PSEN1: variants seen among roughly 807,000 people sequenced by gnomAD.
The protein encoded by PSEN1 is presenilin 1, also known as presenilin-1.
Under a neutral mutation model 53.5 loss-of-function variants are expected in PSEN1, and 15 were observed. The ratio of observed to expected loss-of-function variants is 0.28; its 90% confidence interval spans 0.19 to 0.43. The LOEUF (loss-of-function observed/expected upper bound fraction) is 0.43. Among genes scored for constraint, PSEN1 ranks in the 20% least tolerant of loss-of-function variants. The pLI, the probability that PSEN1 is intolerant of heterozygous loss-of-function variation, is 1.00. For missense variants in PSEN1, 387 were observed against 571.2 expected (o/e 0.68, Z 3.29); for synonymous variants, 208 against 209.8 (o/e 0.99, Z 0.08).
At chr14:73,197,924 G>T in intron 7 of PSEN1, 107 bp from the exon 8 acceptor site, 2 of 687,370 alleles carry the variant, frequency 2.9e-6, no homozygotes, top group South Asian at 1.6e-5. Flanking sequence ...TGTAAAAAGA[G>T]ACAAAAAACA....
At chr14:73,185,488 G>A (rs959485250) in intron 5 of PSEN1, among the ~76,000 whole-genome samples, 3 of 152,170 alleles carry the variant, frequency 2.0e-5, no homozygotes, top group Admixed American at 1.3e-4. Context: ...GCAGGCACTC[G>A]GCAGGCTGAG....
intron 5 of PSEN1, among the ~76,000 whole-genome samples, chr14:73,184,719 T>C (rs1293878921): frequency 2.2e-4 from 30 of 136,766 alleles, no homozygotes; most frequent in African/African-American, 8.0e-4. Flanking sequence ...CCCTCCCGGA[T>C]GGGGCGGCTG....
intron 6 of PSEN1, among the ~76,000 whole-genome samples, chr14:73,187,325 A>G (rs1199898888): frequency 1.3e-5 from 2 of 152,176 alleles, no homozygotes; most frequent in African/African-American, 4.8e-5. Flanking sequence ...TGAAATTTTC[A>G]TATATAATAT....
At chr14:73,201,444 G>C (rs558969058) in intron 8 of PSEN1, among the ~76,000 whole-genome samples, 1 of 152,308 alleles carries the variant, frequency 6.6e-6, no homozygotes, top group African/African-American at 2.4e-5. Context: ...AAACCATACA[G>C]TATTTGCTGT....
chr14:73,212,071 A>T, intron 10 of PSEN1, 129 bp downstream of exon 10: 1 of 256,286 alleles, frequency 3.9e-6, no homozygotes, highest in Non-Finnish European at 7.6e-6. Context: ...TTTTATTTGG[A>T]TATATCAGTA....
In PSEN1 at chr14:73,192,850, T is replaced by C. The variant is rs755161885; in HGVS notation, c.755T>C (p.Val252Ala). 6.2e-7 allele frequency: 1 copy of C among 1,611,282 alleles called. No homozygotes were observed. Among genetic ancestry groups the C allele is most frequent in the South Asian group, 1.1e-5 (1 of 91,016 alleles). The change falls in exon 7 of 12, where the codon GTG (valine) becomes GCG (alanine). Residue 252 changes from valine (V) to alanine (A), a missense_variant. Val to Ala is a moderately conservative substitution (Grantham distance 64, BLOSUM62 0). Around this residue, in one of 4 missense-constraint regions of PSEN1, gnomAD observed 169 missense variants for 299.7 expected, o/e 0.56. Coordinates refer to ENST00000324501, the MANE Select transcript of PSEN1 (RefSeq NM_000021.4). ...TGGACTGCGTGGCTCATCTTGGCTG[T>C]GATTTCAGTATATGGTAAAACCCAA... The part of the protein sequence containing the change: ...PEWTAWLILA[V>A]ISVYDLVAVL...
intron 3 of PSEN1, among the ~76,000 whole-genome samples, chr14:73,166,896 C>G (rs1032104962): frequency 6.6e-6 from 1 of 152,194 alleles, no homozygotes; most frequent in African/African-American, 2.4e-5. Flanking sequence ...TGAAGGAAAG[C>G]ACACCATGCC....
chr14:73,191,331 G>C (rs1287397870), intron 6 of PSEN1, among the ~76,000 whole-genome samples: 2 of 152,050 alleles, frequency 1.3e-5, no homozygotes, highest in African/African-American at 2.4e-5. Flanking sequence ...GCAACAGTGT[G>C]TTATGCCTAT....
chr14:73,184,961 C>T (rs1274714750), intron 5 of PSEN1, among the ~76,000 whole-genome samples: 1 of 147,862 alleles, frequency 6.8e-6, no homozygotes, highest in Non-Finnish European at 1.5e-5. Flanking sequence ...TCCTCACATC[C>T]CAGACGGGGC....
At chr14:73,184,638 C>CG (rs1233299588) in intron 5 of PSEN1, among the ~76,000 whole-genome samples, 3 of 130,738 alleles carry the variant, frequency 2.3e-5, no homozygotes, top group East Asian at 2.7e-4. Context: ...GCTGGCCGGG[C>CG]GGGGGGCTGA....
intron 4 of PSEN1, among the ~76,000 whole-genome samples, chr14:73,172,564 G>C (rs1429530019): frequency 1.3e-5 from 2 of 152,176 alleles, no homozygotes; most frequent in Non-Finnish European, 2.9e-5. Flanking sequence ...CACGCTCCTT[G>C]GTTTATACAT....
intron 1 of PSEN1, among the ~76,000 whole-genome samples, chr14:73,137,601 G>C (rs1324988332): frequency 6.6e-6 from 1 of 152,148 alleles, no homozygotes; most frequent in Non-Finnish European, 1.5e-5. Context: ...CTTGCAACGA[G>C]GGGGTGGAAG....
intron 3 of PSEN1, among the ~76,000 whole-genome samples, chr14:73,153,730 T>G (rs1238937452): frequency 2.0e-5 from 3 of 150,882 alleles, no homozygotes; most frequent in East Asian, 3.9e-4. Flanking sequence ...TTTTTTTTTT[T>G]GAAACGGAGC....
rs926054440 is a variant in PSEN1 at position 73,192,584 on chromosome 14, A to G, written c.549-60A>G. 1.3e-5 allele frequency: 15 copies of G among 1,185,502 alleles called. No individual in the cohort carries two copies. The African/African-American group carries it at 1.4e-4, about 11-fold the overall frequency. The allele number at this position is 1,185,502 out of a possible 1,614,324, so 73.4% of individuals were successfully genotyped here. A position where few individuals can be genotyped will look rare whatever the true frequency, so the allele number is the denominator to read the frequency against. On this transcript the variant is annotated intron_variant, in intron 6 of 11. Coordinates refer to ENST00000324501, the MANE Select transcript of PSEN1 (RefSeq NM_000021.4). ...TGTTTGGGAGCCATCACATTATTCT[A>G]AATAATGTTTTGGTGAAAATTATTG...
At chr14:73,184,157 A>G (rs1221212518) in intron 5 of PSEN1, among the ~76,000 whole-genome samples, 1 of 50,116 alleles carries the variant, frequency 2.0e-5, no homozygotes, top group Non-Finnish European at 3.5e-5. Context: ...CGGGGGGCTG[A>G]CCCCCCCACC....
intron 4 of PSEN1, among the ~76,000 whole-genome samples, chr14:73,171,751 T>C (rs1177164326): frequency 1.3e-5 from 2 of 152,162 alleles, no homozygotes; most frequent in Non-Finnish European, 1.5e-5. Context: ...GAGCAGGTAA[T>C]GGAAAAACAT....
intron 3 of PSEN1, among the ~76,000 whole-genome samples, chr14:73,167,602 C>T (rs994770127): frequency 6.6e-6 from 1 of 152,146 alleles, no homozygotes; most frequent in Non-Finnish European, 1.5e-5. Flanking sequence ...GGGGATCATT[C>T]AAACTATAGC....
chr14:73,184,262 C>A (rs1898363098), intron 5 of PSEN1, among the ~76,000 whole-genome samples: 1 of 125,568 alleles, frequency 8.0e-6, no homozygotes, highest in Non-Finnish European at 1.7e-5. Context: ...CTGACCCCCC[C>A]ACCTCCCTCC....
chr14:73,140,555 GTCTT>G (rs1323762674), intron 1 of PSEN1, among the ~76,000 whole-genome samples: 1 of 151,880 alleles, frequency 6.6e-6, no homozygotes, highest in Non-Finnish European at 1.5e-5. Context: ...CCTAGTTATC[GTCTT>G]TATTTTCTTT....
Sources: gnomAD v4.1 joint callset for allele counts (sites outside exome capture counted in the v4.1 genomes callset) on GRCh38, gnomAD v4.1.1 for gene constraint, gnomAD v4.1.1 regional missense constraint, MANE v1.5 for transcripts, NCBI Gene and HGNC (gene_info 2026-07-23, HGNC 2026-07-21) for gene names.